ZC3H12D: variants seen among roughly 807,000 people sequenced by gnomAD.
ZC3H12D encodes the protein probable ribonuclease ZC3H12D.
In ZC3H12D, 11 loss-of-function variants were observed where a neutral mutation model predicts 24.2. The observed-to-expected ratio is 0.46, with a 90% CI of 0.29 to 0.75. The LOEUF (loss-of-function observed/expected upper bound fraction) is 0.75, where lower values mean the gene tolerates loss of function less well. ZC3H12D is among the 30% of genes least tolerant of loss of function. ZC3H12D has a pLI of 0.11. For synonymous variants in ZC3H12D, 333 were observed against 341.8 expected, an observed-to-expected ratio of 0.97 and a Z score of 0.28; for missense variants, 740 against 767.7, an observed-to-expected ratio of 0.96 and a Z score of 0.43.
Position 149,448,900 on chromosome 6 carries a change from G to A in ZC3H12D, c.*1783C>T. 1 of 152,424 alleles carries A rather than the reference G, an allele frequency of 6.6e-6. No homozygotes were observed. The highest frequency in any genetic ancestry group is 1.5e-5 in the Non-Finnish European group (1 of 68,110). 9.4% of individuals were successfully genotyped at this position (152,424 alleles called of 1,614,324 possible). A position where few individuals can be genotyped will look rare whatever the true frequency, so the allele number is the denominator to read the frequency against. ...ACTGGCAAGAGTTCCCTCTGCACCA[G>A]CAGGCTGCAGGAAGTTTGTGGGGCT... On this transcript the variant is annotated 3_prime_UTR_variant, in exon 6 of 6. Transcript: ENST00000409806.
In ZC3H12D at chr6:149,449,813, C is replaced by A. The variant is rs1235720330; in HGVS notation, c.*870G>T. 2.0e-5 allele frequency: 3 copies of A among 152,132 alleles called. No individual in the cohort carries two copies. Among genetic ancestry groups the A allele is most frequent in the African/African-American group, 7.2e-5 (3 of 41,402 alleles). The allele number at this position is 152,132 out of a possible 1,614,324, so 9.4% of individuals were successfully genotyped here. On this transcript the variant is annotated 3_prime_UTR_variant, in exon 6 of 6. Coordinates refer to ENST00000409806, the MANE Select transcript of ZC3H12D (RefSeq NM_207360.3). ...CAGCTCAGCTGGTACAGTAGAAAGC[C>A]TATTCTGGAAACTGCCATGATGGAT...
intron 2 of ZC3H12D, among the ~76,000 whole-genome samples, chr6:149,468,424 C>T (rs1420911996): frequency 1.3e-5 from 2 of 152,202 alleles, no homozygotes; most frequent in African/African-American, 2.4e-5. Context: ...TCCAATTGTA[C>T]ACCACTGCAT....
Position 149,460,446 on chromosome 6 carries a change from A to G in ZC3H12D, c.445+1385T>C, listed in dbSNP as rs541962066. The stretch of plus-strand genomic sequence containing the variant: ...CCTGGTGGCTCATGCCAGTAATCCT[A>G]GCACTTTGGGAGGCCAAGGCAGAGG... On this transcript the variant is annotated intron_variant, in intron 3 of 5. Coordinates refer to ENST00000409806, the MANE Select transcript of ZC3H12D (RefSeq NM_207360.3). Among the ~76,000 whole-genome samples, 4 of 152,346 alleles carry G rather than the reference A, an allele frequency of 2.6e-5. No homozygotes were observed. In the South Asian group the frequency reaches 8.3e-4, roughly 32 times the overall value.
At chr6:149,473,924 C>A (rs188570768) in intron 2 of ZC3H12D, among the ~76,000 whole-genome samples, 5 of 152,242 alleles carry the variant, frequency 3.3e-5, no homozygotes, top group Admixed American at 2.6e-4. Context: ...AAAGAAGGCT[C>A]TTCCTCTGGG....
At chr6:149,455,955 A>T (rs112930387) in intron 4 of ZC3H12D, among the ~76,000 whole-genome samples, 10 of 58,262 alleles carry the variant, frequency 1.7e-4, no homozygotes, top group East Asian at 1.1e-3. Context: ...ATTTTGATTT[A>T]AAAAAAAAAA....
intron 2 of ZC3H12D, among the ~76,000 whole-genome samples, chr6:149,465,991 AC>A (rs1776155676): frequency 6.6e-6 from 1 of 152,068 alleles, no homozygotes; most frequent in Non-Finnish European, 1.5e-5. Flanking sequence ...CCTCAGAGAA[AC>A]CAGGTTTCTG....
chr6:149,450,719 T>G lies in ZC3H12D; in HGVS notation c.1548A>C (p.Arg516Ser), dbSNP rs1378302218. The G allele has an allele frequency of 1.9e-6, 3 of 1,544,780 alleles. No individual in the cohort carries two copies. Among genetic ancestry groups the G allele is most frequent in the Admixed American group, 3.9e-5 (2 of 50,852 alleles). Residue 516 changes from arginine (R) to serine (S), a missense_variant, in exon 6 of 6, where the codon AGA (arginine) becomes AGC (serine). Physicochemically the swap from Arg to Ser is moderately radical, Grantham distance 110 (BLOSUM62 -1). Coordinates refer to ENST00000409806, the MANE Select transcript of ZC3H12D (RefSeq NM_207360.3). ...CCAGGGGCGCCCCCGCGCTCTGGCA[T>G]CTCTGTACCAGGAGGATGAGCCTGG... Reference protein sequence around the residue: ...DLARLILLVQRCQSAGAPLGK... With the variant: ...DLARLILLVQSCQSAGAPLGK...
chr6:149,466,420 T>C (rs953811742), intron 2 of ZC3H12D, among the ~76,000 whole-genome samples: 3 of 151,910 alleles, frequency 2.0e-5, no homozygotes, highest in Non-Finnish European at 4.4e-5. Context: ...ATCGTGCCTG[T>C]CATAGAAAAT....
chr6:149,461,551 A>G (rs1776072342), intron 3 of ZC3H12D: 1 of 228,080 alleles, frequency 4.4e-6, no homozygotes, highest in Non-Finnish European at 8.5e-6. Context: ...TGATAACTTA[A>G]CACACCAAAA....
chr6:149,449,739 G>C lies in ZC3H12D; in HGVS notation c.*944C>G, dbSNP rs555661994. ...CAGGCATGAGCCACCATGCCGGGCC[G>C]AGACTCTGTCTGTTTAAAAAAAGAA... On this transcript the variant is annotated 3_prime_UTR_variant, in exon 6 of 6. Coordinates refer to ENST00000409806, the MANE Select transcript of ZC3H12D (RefSeq NM_207360.3). 1 of 152,028 alleles carries C rather than the reference G, an allele frequency of 6.6e-6. No homozygotes were observed. Among genetic ancestry groups the C allele is most frequent in the Non-Finnish European group, 1.5e-5 (1 of 68,046 alleles). The allele number at this position is 152,028 out of a possible 1,614,324, so 9.4% of individuals were successfully genotyped here. A position where few individuals can be genotyped will look rare whatever the true frequency, so the allele number is the denominator to read the frequency against.
chr6:149,470,470 G>C (rs1776226930), intron 2 of ZC3H12D, among the ~76,000 whole-genome samples: 1 of 152,206 alleles, frequency 6.6e-6, no homozygotes, highest in African/African-American at 2.4e-5. Context: ...GGGAAGTGGA[G>C]GTTGCAGAGA....
intron 2 of ZC3H12D, among the ~76,000 whole-genome samples, chr6:149,473,874 C>G (rs1214506371): frequency 1.3e-5 from 2 of 152,158 alleles, no homozygotes; most frequent in Admixed American, 6.5e-5. Context: ...TCTGCCAACA[C>G]TTGACCCAGG....
rs551444206 is a variant in ZC3H12D, at chr6:149,456,851, C to T, written c.495G>A (p.Thr165=). The T allele has an allele frequency of 2.3e-5, 37 of 1,608,618 alleles. No individual in the cohort carries two copies. The East Asian group carries it at 7.8e-4, about 34-fold the overall frequency. ...GCTTGCCGTGCACCTTGCGGGACGG[C>T]GTGTACACCAGCACCGCCTGCCGCT... ...ELERQAVLVY[T]PSRKVHGKRL... is the part of the protein sequence containing the mutation. Residue 165 remains threonine (T), a synonymous_variant, in exon 4 of 6, where the codon ACG becomes ACA. Transcript: ENST00000409806. The surrounding 1 kb of genome is among the most constrained non-coding windows in gnomAD (Gnocchi z 4.3).
In ZC3H12D at chr6:149,452,333, T is replaced by G; in HGVS notation, c.787+283A>C. 2.9e-6 allele frequency: 1 copy of G among 350,718 alleles called. No homozygotes were observed. The highest frequency in any genetic ancestry group is 4.6e-5 in the East Asian group (1 of 21,930). The allele number at this position is 350,718 out of a possible 1,614,324, so 21.7% of individuals were successfully genotyped here. A position where few individuals can be genotyped will look rare whatever the true frequency, so the allele number is the denominator to read the frequency against. ...AGGGACTGAGACCCGCAGCTGGGTT[T>G]GTGTCCAGGCTCCCGGCTTCTCAGA... On this transcript the variant is annotated intron_variant, in intron 5 of 5. Transcript: ENST00000409806. This position sits in a 1 kb window ranked among gnomAD's most constrained non-coding sequence, Gnocchi z 4.0.
chr6:149,455,974 C>A (rs1344145061), intron 4 of ZC3H12D, among the ~76,000 whole-genome samples: 1 of 150,094 alleles, frequency 6.7e-6, no homozygotes, highest in Non-Finnish European at 1.5e-5. Context: ...AAAAAGACAG[C>A]CAGGCACGGT....
rs1043908474 is a variant in ZC3H12D, at chr6:149,451,335, G to T, written c.932C>A (p.Ala311Asp). ...CCGGGCTCCTGCGGAGCCGCCCGGGGCTCTCGGTGGCCGCTGCTCCTCGGC... is the reference window on the plus strand; with the variant it reads ...CCGGGCTCCTGCGGAGCCGCCCGGGTCTCTCGGTGGCCGCTGCTCCTCGGC... ...AGAEEQRPPR[A>D]PGGSAGARAA... The change falls in exon 6 of 6, where the codon GCC becomes GAC. Residue 311 changes from alanine (A) to aspartate (D), a missense_variant. Coordinates refer to ENST00000409806, the MANE Select transcript of ZC3H12D (RefSeq NM_207360.3). 1 of 1,438,124 alleles carries T rather than the reference G, an allele frequency of 7.0e-7. No homozygotes were observed. Among genetic ancestry groups the T allele is most frequent in the African/African-American group, 1.5e-5 (1 of 66,612 alleles). The allele number at this position is 1,438,124 out of a possible 1,614,324, so 89.1% of individuals were successfully genotyped here. A position where few individuals can be genotyped will look rare whatever the true frequency, so the allele number is the denominator to read the frequency against.
chr6:149,475,715 C>CA (rs11462349), intron 1 of ZC3H12D, among the ~76,000 whole-genome samples: 84,552 of 142,332 alleles, frequency 0.59, 25,185 homozygotes, highest in East Asian at 0.85. Context: ...AACTCCGTCT[C>CA]AAAAAAAAAA....
chr6:149,478,533 C>T (rs994314206), intron 1 of ZC3H12D, among the ~76,000 whole-genome samples: 2 of 152,128 alleles, frequency 1.3e-5, no homozygotes, highest in African/African-American at 2.4e-5. Flanking sequence ...ACATATCCAG[C>T]GATAGATAGA....
chr6:149,459,574 G>A (rs1776039440), intron 3 of ZC3H12D: 6 of 715,726 alleles, frequency 8.4e-6, no homozygotes, highest in Non-Finnish European at 1.6e-5. Flanking sequence ...TGGTGGAGAT[G>A]GAGTGGAAGT....
Sources: allele counts gnomAD v4.1 joint callset (sites outside exome capture counted in the v4.1 genomes callset), GRCh38; gene constraint gnomAD v4.1.1; non-coding constraint Gnocchi (gnomAD v3.1); transcripts MANE v1.5; gene names NCBI Gene and HGNC (gene_info 2026-07-23, HGNC 2026-07-21).